GRIK1: variants seen among roughly 807,000 people sequenced by gnomAD.
GRIK1 encodes the protein glutamate ionotropic receptor kainate type subunit 1.
Under a neutral mutation model 105.7 loss-of-function variants are expected in GRIK1, and 69 were observed. The ratio of observed to expected loss-of-function variants is 0.65; its 90% confidence interval spans 0.54 to 0.80. GRIK1 has a LOEUF of 0.80. Among genes scored for constraint, GRIK1 ranks in the 30% least tolerant of loss-of-function variants. The probability of loss-of-function intolerance (pLI) is 0.00; values close to 1 mark genes in which losing one functional copy is unlikely to be tolerated. For missense variants in GRIK1, 1,109 were observed against 1,167.3 expected, an observed-to-expected ratio of 0.95 and a Z score of 0.73; for synonymous variants, 438 against 431.3, an observed-to-expected ratio of 1.02 and a Z score of -0.19.
At chr21:29,920,060 T>C (rs2146321764) in intron 1 of GRIK1, among the ~76,000 whole-genome samples, 1 of 152,244 alleles carries the variant, frequency 6.6e-6, no homozygotes, top group East Asian at 1.9e-4. Context: ...CAATGAAGAT[T>C]TAGGCAAAGA....
intron 12 of GRIK1, among the ~76,000 whole-genome samples, chr21:29,584,318 G>C (rs1350412713): frequency 6.6e-6 from 1 of 150,824 alleles, no homozygotes; most frequent in Non-Finnish European, 1.5e-5. Context: ...ATTTTTTTTT[G>C]CCAAATGCCA....
chr21:29,791,438 AG>A (rs987323380), intron 1 of GRIK1, among the ~76,000 whole-genome samples: 3 of 152,096 alleles, frequency 2.0e-5, no homozygotes, highest in African/African-American at 7.3e-5. Context: ...AGTTCCAGCA[AG>A]GACCCTTTGG....
chr21:29,597,185 C>A (rs529083583), intron 8 of GRIK1, among the ~76,000 whole-genome samples: 2 of 152,302 alleles, frequency 1.3e-5, no homozygotes, highest in East Asian at 3.9e-4. Context: ...TCCCTCATTG[C>A]CTTAAGGCCC....
At chr21:29,929,456 A>G (rs1048948437) in intron 1 of GRIK1, among the ~76,000 whole-genome samples, 5 of 152,264 alleles carry the variant, frequency 3.3e-5, no homozygotes, top group African/African-American at 4.8e-5. Context: ...ACTAACTGAA[A>G]GTTATCATGT....
chr21:29,562,832 A>G (rs1023135226), intron 14 of GRIK1, among the ~76,000 whole-genome samples: 1 of 152,042 alleles, frequency 6.6e-6, no homozygotes, highest in Non-Finnish European at 1.5e-5. Flanking sequence ...GTAATAAATT[A>G]TATATGTTAT....
rs567933487 is a variant in GRIK1, at chr21:29,798,166, G to A, written c.119-104103C>T. On this transcript the variant is annotated intron_variant, in intron 1 of 17. Transcript: ENST00000327783. ...TCTACTGTCTTTTATAATATACTTG[G>A]CTGTCTGTCTTGCATTGATCCAACC... 2.6e-5 allele frequency among the ~76,000 whole-genome samples: 4 copies of A among 152,098 alleles called. 1 individual carries two copies. The highest frequency in any genetic ancestry group is 7.2e-5 in the African/African-American group (3 of 41,478).
chr21:29,672,970 C>T lies in GRIK1; in HGVS notation c.726+13G>A, dbSNP rs758385876. Reference sequence around the variant, plus strand: ...TTTATCCCACACCTCCACCTCCTCCCTAGCCCTCTTACCTGCTTAAGGATT... The same window carrying T: ...TTTATCCCACACCTCCACCTCCTCCTTAGCCCTCTTACCTGCTTAAGGATT... On this transcript the variant is annotated intron_variant, in intron 4 of 17. Coordinates refer to ENST00000327783, the MANE Select transcript of GRIK1 (RefSeq NM_001330994.2). 4 of 1,593,632 alleles carry T rather than the reference C, an allele frequency of 2.5e-6. No individual in the cohort carries two copies. Among genetic ancestry groups the T allele is most frequent in the Non-Finnish European group, 2.6e-6 (3 of 1,166,204 alleles).
At chr21:29,841,311 C>T (rs1234198288) in intron 1 of GRIK1, among the ~76,000 whole-genome samples, 1 of 152,104 alleles carries the variant, frequency 6.6e-6, no homozygotes, top group Non-Finnish European at 1.5e-5. Flanking sequence ...TCAAAATTGT[C>T]TAAGCTTGTC....
chr21:29,675,060 T>C (rs2063239981), intron 3 of GRIK1, among the ~76,000 whole-genome samples: 2 of 152,236 alleles, frequency 1.3e-5, no homozygotes, highest in East Asian at 1.9e-4. Context: ...GTAATATGTG[T>C]TAATCTTTGA....
At chr21:29,649,696 C>T (rs1418533283) in intron 6 of GRIK1, among the ~76,000 whole-genome samples, 1 of 152,208 alleles carries the variant, frequency 6.6e-6, no homozygotes, top group Non-Finnish European at 1.5e-5. Context: ...ATTGAACACA[C>T]AGACTTTTTT....
chr21:29,714,462 G>A (rs1173476868), intron 1 of GRIK1, among the ~76,000 whole-genome samples: 1 of 152,154 alleles, frequency 6.6e-6, no homozygotes, highest in Non-Finnish European at 1.5e-5. Flanking sequence ...TACTGACCTG[G>A]GACTGGGTGG....
At chr21:29,682,942 AC>A (rs398121594) in intron 3 of GRIK1, among the ~76,000 whole-genome samples, 1 of 152,038 alleles carries the variant, frequency 6.6e-6, no homozygotes, top group Non-Finnish European at 1.5e-5. Context: ...ACAAAAAAAA[AC>A]CAAATAACCC....
chr21:29,913,673 AT>A (rs2070896344), intron 1 of GRIK1, among the ~76,000 whole-genome samples: 1 of 74,950 alleles, frequency 1.3e-5, no homozygotes, highest in Non-Finnish European at 2.2e-5. Flanking sequence ...GAAACACTAA[AT>A]ATATATATAT....
At chr21:29,550,176 A>G (rs945486414) in intron 16 of GRIK1, among the ~76,000 whole-genome samples, 2 of 149,530 alleles carry the variant, frequency 1.3e-5, no homozygotes, top group African/African-American at 2.4e-5. Flanking sequence ...CCAGGAAGGA[A>G]GGGTACAGAG....
chr21:29,537,343 G>C lies in GRIK1; in HGVS notation c.2737C>G (p.Leu913Val). ...TTCTTTATTTTTTTCTGATTCTTCAGTGAGATTCCCAGTTCTTCCATGATA... is the reference window on the plus strand; with the variant it reads ...TTCTTTATTTTTTTCTGATTCTTCACTGAGATTCCCAGTTCTTCCATGATA... Reference protein sequence around the residue: ...NAIMEELGISLKNQKKIKKKS... With the variant: ...NAIMEELGISVKNQKKIKKKS... Residue 913 changes from leucine to valine, a missense_variant, in exon 18 of 18, where the codon CTG becomes GTG. Leu to Val is a conservative substitution (Grantham distance 32). Coordinates refer to ENST00000327783, the MANE Select transcript of GRIK1 (RefSeq NM_001330994.2). 6.2e-7 allele frequency: 1 copy of C among 1,610,942 alleles called. No individual in the cohort carries two copies. Among genetic ancestry groups the C allele is most frequent in the Non-Finnish European group, 8.5e-7 (1 of 1,177,868 alleles).
At chr21:29,596,826 A>G (rs1463934855) in intron 8 of GRIK1, 2 of 501,388 alleles carry the variant, frequency 4.0e-6, no homozygotes, top group Admixed American at 6.5e-5. Context: ...GAAATGCCTT[A>G]AAGTGCTTTT....
chr21:29,558,872 C>T (rs1449847863), intron 15 of GRIK1, among the ~76,000 whole-genome samples: 3 of 152,054 alleles, frequency 2.0e-5, no homozygotes, highest in Non-Finnish European at 1.5e-5. Flanking sequence ...TCCAGCCCTG[C>T]GTCACTCACT....
At chr21:29,723,213 A>G (rs1488858004) in intron 1 of GRIK1, among the ~76,000 whole-genome samples, 1 of 152,228 alleles carries the variant, frequency 6.6e-6, no homozygotes. Context: ...AAATGAAGAA[A>G]TAGATAAATT....
intron 1 of GRIK1, among the ~76,000 whole-genome samples, chr21:29,737,901 T>A (rs1055394397): frequency 3.3e-5 from 5 of 152,268 alleles, no homozygotes; most frequent in African/African-American, 1.2e-4. Context: ...GGTGAGCACA[T>A]GTATTTGTTT....
Sources: gnomAD v4.1 joint callset for allele counts (sites outside exome capture counted in the v4.1 genomes callset) on GRCh38, gnomAD v4.1.1 for gene constraint, MANE v1.5 for transcripts, NCBI Gene and HGNC (gene_info 2026-07-23, HGNC 2026-07-21) for gene names.